The following CDK5RAP2 variants were observed in gnomAD, a reference collection of about 807,000 sequenced individuals.
CDK5RAP2 encodes CDK5 regulatory subunit associated protein 2, also known as CDK5 regulatory subunit-associated protein 2.
In CDK5RAP2, 147 loss-of-function variants were observed where a neutral mutation model predicts 232.9. The ratio of observed to expected loss-of-function variants is 0.63; its 90% CI spans 0.55 to 0.72. The LOEUF is 0.72. Ranked by LOEUF, CDK5RAP2 falls within the 30% of genes least tolerant of loss-of-function variation. The pLI is 0.00. For synonymous variants in CDK5RAP2, 833 were observed against 833.7 expected (o/e 1.00, Z 0.01); for missense variants, 2,195 against 2,231.5 (o/e 0.98, Z 0.33).
At chr9:120,547,466 T>C (rs1454703781) in intron 4 of CDK5RAP2, among the ~76,000 whole-genome samples, 4 of 151,326 alleles carry the variant, frequency 2.6e-5, no homozygotes, top group Non-Finnish European at 5.9e-5. Flanking sequence ...TAGCCAGGAG[T>C]GGTGGCACAT....
chr9:120,568,363 T>C lies in CDK5RAP2; in HGVS notation c.153A>G (p.Thr51=). 1 of 1,613,816 alleles carries C rather than the reference T, an allele frequency of 6.2e-7. No homozygotes were observed. The highest frequency in any genetic ancestry group is 8.5e-7 in the Non-Finnish European group (1 of 1,179,664). The change falls in exon 3 of 38, where the codon ACA becomes ACG. Residue 51 remains threonine (T), a synonymous_variant. Transcript: ENST00000349780. ...TGTTCCGTGCTCTGGTGGGAGACAC[T>C]GTTTCTTCTGACACATTTGGGAGCA... is the stretch of plus-strand genomic sequence containing the variant. ...NGLLPNVSEE[T]VSPTRARNMK... is the part of the protein sequence containing the mutation.
intron 25 of CDK5RAP2, among the ~76,000 whole-genome samples, chr9:120,430,213 T>C (rs1485091981): frequency 6.6e-6 from 1 of 152,178 alleles, no homozygotes; most frequent in African/African-American, 2.4e-5. Context: ...AAGGACTTCA[T>C]GTCTAAAACA....
intron 32 of CDK5RAP2, chr9:120,406,345 G>C (rs1248692123): frequency 6.6e-6 from 1 of 152,602 alleles, no homozygotes; most frequent in African/African-American, 2.4e-5. Context: ...GCTGGAAATG[G>C]TTTCTAGCTC....
At chr9:120,401,146 C>G (rs115889058) in intron 34 of CDK5RAP2, 3 of 477,428 alleles carry the variant, frequency 6.3e-6, no homozygotes. Context: ...GCATTAACTA[C>G]AGTTACTACT....
At chr9:120,518,730 G>C in intron 11 of CDK5RAP2, 85 bp from the exon 12 acceptor site, 3 of 1,055,804 alleles carry the variant, frequency 2.8e-6, no homozygotes, top group African/African-American at 1.6e-5. Context: ...TTTTCGCCGT[G>C]GGGGAAAAAA....
intron 36 of CDK5RAP2, among the ~76,000 whole-genome samples, chr9:120,392,456 G>A (rs1381801454): frequency 6.6e-6 from 1 of 152,192 alleles, no homozygotes; most frequent in Non-Finnish European, 1.5e-5. Context: ...ACCGACCACA[G>A]TACTCAACCC....
At chr9:120,455,792 A>G (rs1371699429) in intron 20 of CDK5RAP2, among the ~76,000 whole-genome samples, 1 of 152,094 alleles carries the variant, frequency 6.6e-6, no homozygotes, top group Non-Finnish European at 1.5e-5. Context: ...TAGAGAATGG[A>G]CGGAGAGGCC....
chr9:120,518,211 G>GTGTGTGTGTGAGAC (rs1554770754), intron 12 of CDK5RAP2, among the ~76,000 whole-genome samples: 13 of 31,610 alleles, frequency 4.1e-4, no homozygotes, highest in African/African-American at 9.8e-4. Flanking sequence ...GTGTGTGTGT[G>GTGTGTGTGTGAGAC]AGAGAGAGAG....
chr9:120,465,215 A>T (rs1304694221), intron 18 of CDK5RAP2, among the ~76,000 whole-genome samples: 1 of 152,208 alleles, frequency 6.6e-6, no homozygotes, highest in African/African-American at 2.4e-5. Context: ...AGAGCCTATA[A>T]TCAGAGGGCA....
Position 120,577,574 on chromosome 9 carries a change from T to G in CDK5RAP2, c.59+2346A>C, listed in dbSNP as rs151338882. On this transcript the variant is annotated intron_variant, in intron 1 of 37. Coordinates refer to ENST00000349780, the MANE Select transcript of CDK5RAP2 (RefSeq NM_018249.6). The stretch of plus-strand genomic sequence containing the variant: ...ATGCTTTAAAATGGTTAAGATGGAA[T>G]GTATGCAGTATCTACGTCCTGCAAA... Among the ~76,000 whole-genome samples, 196 of 152,340 alleles carry G rather than the reference T, an allele frequency of 1.3e-3. 1 individual carries two copies. The highest frequency in any genetic ancestry group is 4.3e-3 in the African/African-American group (180 of 41,578).
chr9:120,514,106 GTGATGCAACATC>G, intron 12 of CDK5RAP2, among the ~76,000 whole-genome samples: 1 of 152,316 alleles, frequency 6.6e-6, no homozygotes, highest in South Asian at 2.1e-4. Flanking sequence ...AGATACAACT[GTGATGCAACATC>G]TGTGCAAAAA....
intron 27 of CDK5RAP2, 141 bp from the exon 28 acceptor site, chr9:120,415,300 A>T: frequency 1.1e-6 from 1 of 904,498 alleles, no homozygotes; most frequent in Non-Finnish European, 1.7e-6. Flanking sequence ...TTTCCTAGGC[A>T]TGGGGAGGGT....
chr9:120,578,189 C>T (rs1421608147), intron 1 of CDK5RAP2, among the ~76,000 whole-genome samples: 1 of 152,184 alleles, frequency 6.6e-6, no homozygotes, highest in Non-Finnish European at 1.5e-5. Flanking sequence ...ATTGCTTGAA[C>T]CCGGGAGGCG....
chr9:120,441,013 G>A (rs1291241159), intron 23 of CDK5RAP2, among the ~76,000 whole-genome samples: 1 of 152,176 alleles, frequency 6.6e-6, no homozygotes, highest in African/African-American at 2.4e-5. Context: ...TTTCAGAAGT[G>A]GAGTAGTACA....
chr9:120,537,913 GGGTA>G (rs1165496572), intron 6 of CDK5RAP2, among the ~76,000 whole-genome samples: 1 of 152,206 alleles, frequency 6.6e-6, no homozygotes, highest in African/African-American at 2.4e-5. Context: ...CAGAAGCTCA[GGGTA>G]GGCAAATACC....
Position 120,469,510 on chromosome 9 carries a change from G to A in CDK5RAP2, c.1968+601C>T, listed in dbSNP as rs963313509. ...TGATAATTTTATAATAAACTATGCG[G>A]TCTCAAACCTCCTATTTCTAAGAAT... On this transcript the variant is annotated intron_variant, in intron 17 of 37. Transcript: ENST00000349780. Among the ~76,000 whole-genome samples the A allele has an allele frequency of 2.0e-5, 3 of 152,248 alleles. No homozygotes were observed. In the East Asian group the frequency reaches 5.8e-4, roughly 29 times the overall value.
chr9:120,559,570 GAAAAAA>G (rs777727216), intron 3 of CDK5RAP2, among the ~76,000 whole-genome samples: 37 of 60,812 alleles, frequency 6.1e-4, no homozygotes, highest in African/African-American at 1.9e-3. Flanking sequence ...AGAGAAACAA[GAAAAAA>G]AAAAAAAAAA....
chr9:120,414,190 C>T (rs147219163), intron 28 of CDK5RAP2, among the ~76,000 whole-genome samples: 228 of 152,330 alleles, frequency 1.5e-3, no homozygotes, highest in Non-Finnish European at 2.8e-3. Context: ...CATAACATTG[C>T]CTCATTTAAT....
At chr9:120,422,243 G>A (rs1423932039) in intron 26 of CDK5RAP2, among the ~76,000 whole-genome samples, 3 of 152,210 alleles carry the variant, frequency 2.0e-5, no homozygotes, top group Non-Finnish European at 2.9e-5. Flanking sequence ...TTCAAGAGGA[G>A]GAAGGCAGAG....
Sources: gnomAD v4.1 joint callset for allele counts (sites outside exome capture counted in the v4.1 genomes callset) on GRCh38, gnomAD v4.1.1 for gene constraint, MANE v1.5 for transcripts, NCBI Gene and HGNC (gene_info 2026-07-23, HGNC 2026-07-21) for gene names.